Variants in RIN3 observed in about 807,000 individuals in gnomAD.
RIN3 encodes Ras and Rab interactor 3.
A neutral mutation model predicts 76.3 loss-of-function variants in RIN3; 54 were observed. The observed-to-expected ratio is 0.71, with a 90% CI of 0.57 to 0.89. RIN3 has a LOEUF of 0.89. Among genes scored for constraint, RIN3 ranks in the 40% least tolerant of loss-of-function variants. RIN3 has a pLI of 0.00. For missense variants in RIN3, 1,256 were observed against 1,322.1 expected (o/e 0.95, Z 0.78); for synonymous variants, 576 against 564.0 (o/e 1.02, Z -0.30).
chr14:92,688,110 T>C lies in RIN3; in HGVS notation c.2816T>C (p.Leu939Pro). 1.2e-6 allele frequency: 2 copies of C among 1,608,730 alleles called. No individual in the cohort carries two copies. Among genetic ancestry groups the C allele is most frequent in the Non-Finnish European group, 1.7e-6 (2 of 1,178,294 alleles). The stretch of plus-strand genomic sequence containing the variant: ...TGCTTCCAGCTGGCGGACGACGCGC[T>C]GCCGCACTGCATCAAGGGCTACCTG... ...GRCFQLADDALPHCIKGYLLR... is the reference protein window; with the variant it reads ...GRCFQLADDAPPHCIKGYLLR... The change falls in exon 10 of 10, where the codon CTG (leucine) becomes CCG (proline). Residue 939 changes from leucine (L) to proline (P), a missense_variant. Leu to Pro is a moderately conservative substitution (Grantham distance 98, BLOSUM62 -3). Around this residue, in one of 3 missense-constraint regions of RIN3, gnomAD observed 218 missense variants for 174.5 expected, o/e 1.25. Coordinates refer to ENST00000216487, the MANE Select transcript of RIN3 (RefSeq NM_024832.5).
intron 7 of RIN3, among the ~76,000 whole-genome samples, chr14:92,661,803 CG>C (rs1887898369): frequency 6.6e-6 from 1 of 151,372 alleles, no homozygotes; most frequent in Non-Finnish European, 1.5e-5. Flanking sequence ...CACGCCAAGG[CG>C]AACTCCATAT....
At chr14:92,616,141 C>T (rs1365590733) in intron 4 of RIN3, 2 of 152,344 alleles carry the variant, frequency 1.3e-5, no homozygotes, top group Non-Finnish European at 2.9e-5. Context: ...CTCCTGAGTC[C>T]AGATGGGCAG....
intron 4 of RIN3, among the ~76,000 whole-genome samples, chr14:92,617,162 T>C (rs12433025): frequency 7.0e-4 from 106 of 152,010 alleles, no homozygotes; most frequent in African/African-American, 2.5e-3. Context: ...TAGCTGGGCG[T>C]AGTGGCGGGC....
At chr14:92,578,234 TAA>T (rs777276864) in intron 3 of RIN3, among the ~76,000 whole-genome samples, 19 of 100,814 alleles carry the variant, frequency 1.9e-4, no homozygotes, top group Admixed American at 3.2e-4. Context: ...AGATCTGGCC[TAA>T]AAAAAAAAAA....
Position 92,641,268 on chromosome 14 carries a change from C to T in RIN3, c.471C>T (p.Pro157=), listed in dbSNP as rs750366777. 6.2e-7 allele frequency: 1 copy of T among 1,614,032 alleles called. No homozygotes were observed. The highest frequency in any genetic ancestry group is 8.5e-7 in the Non-Finnish European group (1 of 1,179,978). ...RDLLPFTLRL[P]QAILEASSFT... ...TACTGCCCTTCACACTGCGGCTACC[C>T]CAGGCCATCCTTGAGGCCAGCAGCT... Residue 157 remains proline (P), a synonymous_variant, in exon 5 of 10, where the codon CCC becomes CCT. Transcript: ENST00000216487.
chr14:92,525,457 T>C (rs1272580620), intron 1 of RIN3, among the ~76,000 whole-genome samples: 1 of 151,890 alleles, frequency 6.6e-6, no homozygotes, highest in East Asian at 1.9e-4. Flanking sequence ...AAGGAGGATC[T>C]AGTGCAGGGC....
chr14:92,646,833 C>A (rs771087497), intron 5 of RIN3, among the ~76,000 whole-genome samples: 1 of 152,220 alleles, frequency 6.6e-6, no homozygotes, highest in Non-Finnish European at 1.5e-5. Flanking sequence ...GGGTGTGTTT[C>A]CTTCCAGTTT....
intron 1 of RIN3, among the ~76,000 whole-genome samples, chr14:92,528,772 C>G (rs928260741): frequency 2.0e-5 from 3 of 152,166 alleles, no homozygotes; most frequent in Non-Finnish European, 2.9e-5. Context: ...GTAGGCACTT[C>G]GCAGCAGGCA....
rs138439273 is a variant in RIN3 at position 92,532,706 on chromosome 14, G to A, written c.44+18730G>A. On this transcript the variant is annotated intron_variant, in intron 1 of 9. Transcript: ENST00000216487. Reference sequence around the variant, plus strand: ...ACAGAGGCGGGGGTCACGGGGCCACGGTGGAATGTATGGGCTGCCACAGGT... The same window carrying A: ...ACAGAGGCGGGGGTCACGGGGCCACAGTGGAATGTATGGGCTGCCACAGGT... 3.9e-4 allele frequency among the ~76,000 whole-genome samples: 59 copies of A among 152,326 alleles called. No homozygotes were observed. The East Asian group carries it at 9.6e-3, about 25-fold the overall frequency.
intron 7 of RIN3, among the ~76,000 whole-genome samples, chr14:92,675,400 T>C (rs1002205587): frequency 2.6e-5 from 4 of 152,272 alleles, no homozygotes; most frequent in Admixed American, 1.3e-4. Context: ...GCAAGAGCTA[T>C]ACATTGCTTG....
chr14:92,655,475 A>G (rs1887634722), intron 6 of RIN3, among the ~76,000 whole-genome samples: 1 of 152,172 alleles, frequency 6.6e-6, no homozygotes, highest in South Asian at 2.1e-4. Flanking sequence ...GGGGGGCAGG[A>G]CCCCAAGGAC....
chr14:92,666,849 G>A (rs1888123117), intron 7 of RIN3, among the ~76,000 whole-genome samples: 1 of 152,206 alleles, frequency 6.6e-6, no homozygotes, highest in African/African-American at 2.4e-5. Context: ...CTGATGGCCA[G>A]AGGCTGCCTT....
chr14:92,595,041 A>G (rs1040255236), intron 3 of RIN3, among the ~76,000 whole-genome samples: 4 of 152,250 alleles, frequency 2.6e-5, no homozygotes, highest in Admixed American at 1.3e-4. Flanking sequence ...AATGAGCTGC[A>G]TACTGCTGCA....
At chr14:92,527,556 T>C (rs187418417) in intron 1 of RIN3, among the ~76,000 whole-genome samples, 7 of 152,292 alleles carry the variant, frequency 4.6e-5, no homozygotes, top group Admixed American at 3.3e-4. Flanking sequence ...AGTCACTCTC[T>C]TTAGTGTACG....
intron 7 of RIN3, among the ~76,000 whole-genome samples, chr14:92,669,246 C>A (rs565356004): frequency 7.2e-5 from 11 of 152,140 alleles, no homozygotes; most frequent in Non-Finnish European, 1.5e-4. Flanking sequence ...GGGAGATAGG[C>A]AATAACAAGT....
rs181806304 is a variant in RIN3, at chr14:92,609,984, G to A, written c.368-5423G>A. On this transcript the variant is annotated intron_variant, in intron 3 of 9. Coordinates refer to ENST00000216487, the MANE Select transcript of RIN3 (RefSeq NM_024832.5). ...CTAGATAACAGCTTTATTCAGACGTGTTTATTTAATGTATTCAATATCTTC... is the reference window on the plus strand; with the variant it reads ...CTAGATAACAGCTTTATTCAGACGTATTTATTTAATGTATTCAATATCTTC... 1.8e-3 allele frequency among the ~76,000 whole-genome samples: 266 copies of A among 151,912 alleles called. 1 individual carries two copies. Among genetic ancestry groups the A allele is most frequent in the Admixed American group, 3.1e-3 (47 of 15,224 alleles).
intron 3 of RIN3, among the ~76,000 whole-genome samples, chr14:92,589,032 A>G (rs1884886109): frequency 6.6e-6 from 1 of 152,126 alleles, no homozygotes; most frequent in Non-Finnish European, 1.5e-5. Context: ...CATCCTCCCC[A>G]TGCCCACATT....
chr14:92,532,314 C>T (rs1434327192), intron 1 of RIN3, among the ~76,000 whole-genome samples: 2 of 152,122 alleles, frequency 1.3e-5, no homozygotes, highest in Non-Finnish European at 2.9e-5. Context: ...CTAGAATAGA[C>T]CCCAGATAAC....
At chr14:92,540,735 CCTTCTCCCAGG>C (rs955450165) in intron 1 of RIN3, among the ~76,000 whole-genome samples, 37 of 152,156 alleles carry the variant, frequency 2.4e-4, no homozygotes, top group Admixed American at 3.3e-4. Flanking sequence ...TGGCCGCCTG[CCTTCTCCCAGG>C]CTGTTCACTG....
Sources: gnomAD v4.1 joint callset for allele counts (sites outside exome capture counted in the v4.1 genomes callset) on GRCh38, gnomAD v4.1.1 for gene constraint, gnomAD v4.1.1 regional missense constraint, MANE v1.5 for transcripts, NCBI Gene and HGNC (gene_info 2026-07-23, HGNC 2026-07-21) for gene names.